The following PTPRN2 variants were observed in gnomAD, a reference collection of about 807,000 sequenced individuals.
PTPRN2 encodes protein tyrosine phosphatase receptor type N2.
PTPRN2 carries 74 observed loss-of-function variants against 118.8 expected under a neutral mutation model. The observed-to-expected ratio is 0.62, with a 90% CI of 0.52 to 0.76. The LOEUF (loss-of-function observed/expected upper bound fraction) is 0.76, where lower values mean the gene tolerates loss of function less well. Ranked by LOEUF, PTPRN2 falls within the 30% of genes least tolerant of loss-of-function variation. The pLI is 0.00. For missense variants in PTPRN2, 1,481 were observed against 1,394.4 expected (o/e 1.06, Z -0.99); for synonymous variants, 641 against 608.0 (o/e 1.05, Z -0.80).
At chr7:158,329,756 C>T (rs1444195999) in intron 2 of PTPRN2, among the ~76,000 whole-genome samples, 1 of 152,172 alleles carries the variant, frequency 6.6e-6, no homozygotes, top group Admixed American at 6.5e-5. Context: ...AAGGAACTTG[C>T]TCAGAGTTGG....
At chr7:158,016,596 T>C (rs889363189) in intron 11 of PTPRN2, among the ~76,000 whole-genome samples, 2 of 152,236 alleles carry the variant, frequency 1.3e-5, no homozygotes, top group Non-Finnish European at 2.9e-5. Flanking sequence ...GGCATTAATT[T>C]AAAATATTTT....
At chr7:158,352,917 C>T (rs889957905) in intron 2 of PTPRN2, among the ~76,000 whole-genome samples, 2 of 152,240 alleles carry the variant, frequency 1.3e-5, no homozygotes. Flanking sequence ...CTGCTTTCGC[C>T]GCACCAGGGC....
chr7:158,499,119 C>T (rs1292904096), intron 1 of PTPRN2, among the ~76,000 whole-genome samples: 1 of 152,192 alleles, frequency 6.6e-6, no homozygotes, highest in South Asian at 2.1e-4. Flanking sequence ...AACAAAAAGA[C>T]CTTATCATCT....
intron 11 of PTPRN2, among the ~76,000 whole-genome samples, chr7:158,069,356 G>A (rs372213664): frequency 2.0e-5 from 3 of 152,120 alleles, no homozygotes; most frequent in Admixed American, 6.6e-5. Flanking sequence ...ACATCACCAC[G>A]CTTGGCTAAA....
At chr7:158,308,057 A>G (rs200149942) in intron 3 of PTPRN2, among the ~76,000 whole-genome samples, 3 of 152,168 alleles carry the variant, frequency 2.0e-5, no homozygotes, top group East Asian at 3.9e-4. Flanking sequence ...GATACCTGTA[A>G]TAAATAAATT....
intron 2 of PTPRN2, among the ~76,000 whole-genome samples, chr7:158,383,925 G>A (rs1450685482): frequency 1.3e-5 from 2 of 152,208 alleles, no homozygotes; most frequent in Admixed American, 6.5e-5. Flanking sequence ...GCTCCGGAAA[G>A]CGTGATCACA....
chr7:158,347,352 G>A (rs1807587272), intron 2 of PTPRN2, among the ~76,000 whole-genome samples: 1 of 152,124 alleles, frequency 6.6e-6, no homozygotes, highest in Non-Finnish European at 1.5e-5. Context: ...TGAAGACACT[G>A]TCCTTTTCCC....
intron 11 of PTPRN2, among the ~76,000 whole-genome samples, chr7:157,945,535 C>T (rs1420709704): frequency 6.6e-6 from 1 of 152,202 alleles, no homozygotes; most frequent in African/African-American, 2.4e-5. Flanking sequence ...ACAAAGCCGT[C>T]TCCAACTCGG....
At chr7:157,815,385 G>T (rs1328904476) in intron 12 of PTPRN2, among the ~76,000 whole-genome samples, 3 of 152,134 alleles carry the variant, frequency 2.0e-5, no homozygotes, top group Admixed American at 6.5e-5. Context: ...CATCAGTGTG[G>T]TCAAAAGGCA....
At chr7:157,689,878 G>C (rs991399182) in intron 12 of PTPRN2, among the ~76,000 whole-genome samples, 2 of 152,122 alleles carry the variant, frequency 1.3e-5, no homozygotes, top group Admixed American at 1.3e-4. Context: ...TACTCCCATG[G>C]CTCGGAGGCG....
intron 16 of PTPRN2, among the ~76,000 whole-genome samples, chr7:157,602,785 GGCCGTGGCCT>G (rs1160766005): frequency 6.6e-6 from 1 of 152,248 alleles, no homozygotes; most frequent in Admixed American, 6.5e-5. Context: ...CGCCATCAGT[GGCCGTGGCCT>G]GCAGGCAGTT....
In PTPRN2 at chr7:157,656,377, A is replaced by G; in HGVS notation, c.2176T>C (p.Ser726Pro). The change falls in exon 14 of 23, where the codon TCC becomes CCC. Residue 726 changes from serine (S) to proline (P), a missense_variant. Coordinates refer to ENST00000389418, the MANE Select transcript of PTPRN2 (RefSeq NM_002847.5). ...EEPVQSNMDISTGHMILSYME... is the reference protein window; with the variant it reads ...EEPVQSNMDIPTGHMILSYME... ...CTTACCAGGATCATGTGGCCGGTGG[A>G]GATGTCCATGTTGGACTGCACAGGC... 6.4e-7 allele frequency: 1 copy of G among 1,551,234 alleles called. No individual in the cohort carries two copies. The highest frequency in any genetic ancestry group is 8.7e-7 in the Non-Finnish European group (1 of 1,146,824).
chr7:158,123,510 C>T (rs1817349088), intron 9 of PTPRN2, among the ~76,000 whole-genome samples: 1 of 152,128 alleles, frequency 6.6e-6, no homozygotes, highest in Non-Finnish European at 1.5e-5. Flanking sequence ...GGTTTTGATG[C>T]TTTGTGCACC....
chr7:158,164,770 A>G (rs1822775344), intron 6 of PTPRN2, among the ~76,000 whole-genome samples: 1 of 152,166 alleles, frequency 6.6e-6, no homozygotes, highest in Non-Finnish European at 1.5e-5. Context: ...GGACGACCCA[A>G]AGTGACCCCA....
At chr7:158,375,717 T>C (rs771362718) in intron 2 of PTPRN2, among the ~76,000 whole-genome samples, 18 of 152,064 alleles carry the variant, frequency 1.2e-4, no homozygotes, top group Non-Finnish European at 1.9e-4. Context: ...CAGGCTCCAC[T>C]AGTGGAAGAG....
chr7:158,343,046 T>C (rs1807185134), intron 2 of PTPRN2, among the ~76,000 whole-genome samples: 2 of 152,108 alleles, frequency 1.3e-5, no homozygotes, highest in Non-Finnish European at 2.9e-5. Context: ...TGAAACTTCA[T>C]CTCAAAAAGA....
chr7:157,713,812 A>G (rs1798771198), intron 12 of PTPRN2, among the ~76,000 whole-genome samples: 1 of 152,228 alleles, frequency 6.6e-6, no homozygotes, highest in Non-Finnish European at 1.5e-5. Flanking sequence ...ACATGGAGCC[A>G]CAGAACTGGT....
rs1829057672 is a variant in PTPRN2, at chr7:158,587,636, G to C, written c.34C>G (p.Leu12Val). Residue 12 changes from leucine (L) to valine (V), a missense_variant, in exon 1 of 23, where the codon CTG (leucine) becomes GTG (valine). Leu to Val is a conservative substitution (Grantham distance 32, BLOSUM62 1). Coordinates refer to ENST00000389418, the MANE Select transcript of PTPRN2 (RefSeq NM_002847.5). ...AGGACGCGTGGCGGCAGCAGCAGCA[G>C]TAGCAGCAGCAGCAGCGGGAGCGGC... Reference protein sequence around the residue: ...GPPLPLLLLLLLLLPPRVLPA... With the variant: ...GPPLPLLLLLVLLLPPRVLPA... 8 of 1,370,616 alleles carry C rather than the reference G, an allele frequency of 5.8e-6. No homozygotes were observed. Among genetic ancestry groups the C allele is most frequent in the Middle Eastern group, 2.7e-4 (1 of 3,772 alleles). 84.9% of individuals were successfully genotyped at this position (1,370,616 alleles called of 1,614,324 possible). A position where few individuals can be genotyped will look rare whatever the true frequency, so the allele number is the denominator to read the frequency against.
At position 158,133,681 on chromosome 7, in the gene PTPRN2, T is replaced by C; in HGVS notation, c.1552A>G (p.Arg518Gly). Residue 518 changes from arginine to glycine, a missense_variant, in exon 9 of 23, where the codon AGA (arginine) becomes GGA (glycine). Arg to Gly is a moderately radical substitution (Grantham distance 125). Transcript: ENST00000389418. ...TTAGCCAGGGCTGCTACTCACTCTCTGTCTGTCACGATGTAGCCCCGCGCC... is the reference window on the plus strand; with the variant it reads ...TTAGCCAGGGCTGCTACTCACTCTCCGTCTGTCACGATGTAGCCCCGCGCC... ...EEARGYIVTD[R>G]DPLRPEEGRR... 1.3e-6 allele frequency: 2 copies of C among 1,575,864 alleles called. No individual in the cohort carries two copies. Among genetic ancestry groups the C allele is most frequent in the East Asian group, 2.3e-5 (1 of 44,346 alleles).
Sources: gnomAD v4.1 joint callset for allele counts (sites outside exome capture counted in the v4.1 genomes callset) on GRCh38, gnomAD v4.1.1 for gene constraint, MANE v1.5 for transcripts, NCBI Gene and HGNC (gene_info 2026-07-23, HGNC 2026-07-21) for gene names.